The following USH2A variants were observed in gnomAD, a reference collection of about 807,000 sequenced individuals.
USH2A encodes the protein Usher syndrome 2A (autosomal recessive, mild).
A neutral mutation model predicts 538.9 loss-of-function variants in USH2A; 443 were observed. The ratio of observed to expected loss-of-function variants is 0.82; its 90% CI spans 0.76 to 0.89. The LOEUF (loss-of-function observed/expected upper bound fraction) is 0.89. Among genes scored for constraint, USH2A ranks in the 40% least tolerant of loss-of-function variants. The pLI is 0.00. For synonymous variants in USH2A, 2,413 were observed against 2,273.5 expected, an observed-to-expected ratio of 1.06 and a Z score of -1.75; for missense variants, 6,633 against 6,324.8, an observed-to-expected ratio of 1.05 and a Z score of -1.65.
At chr1:215,956,201 T>C (rs1667064612) in intron 37 of USH2A, among the ~76,000 whole-genome samples, 1 of 152,134 alleles carries the variant, frequency 6.6e-6, no homozygotes, top group Non-Finnish European at 1.5e-5. Flanking sequence ...ACTGAACTCT[T>C]GCCACAACAA....
At chr1:216,214,939 G>A (rs970935164) in intron 15 of USH2A, among the ~76,000 whole-genome samples, 8 of 151,952 alleles carry the variant, frequency 5.3e-5, no homozygotes, top group Non-Finnish European at 1.0e-4. Flanking sequence ...AAAGCATACA[G>A]AAAATAGGAC....
chr1:216,257,468 A>C (rs768810677), intron 11 of USH2A, among the ~76,000 whole-genome samples: 4 of 152,014 alleles, frequency 2.6e-5, no homozygotes, highest in Non-Finnish European at 4.4e-5. Context: ...TTTATCATTA[A>C]AAATTTATCA....
chr1:216,313,680 T>G (rs2037460875), intron 9 of USH2A, among the ~76,000 whole-genome samples: 5 of 152,190 alleles, frequency 3.3e-5, no homozygotes, highest in Admixed American at 2.6e-4. Flanking sequence ...AAAAGTATTC[T>G]CGAAAAATTC....
At chr1:215,827,873 T>C (rs1663199559) in intron 47 of USH2A, among the ~76,000 whole-genome samples, 1 of 152,332 alleles carries the variant, frequency 6.6e-6, no homozygotes, top group Non-Finnish European at 1.5e-5. Flanking sequence ...CTTAATTTTT[T>C]CTTGTAATGT....
rs575780741 is a variant in USH2A, at chr1:215,981,131, T to G, written c.6806-10355A>C. Among the ~76,000 whole-genome samples the G allele has an allele frequency of 1.3e-4, 20 of 152,258 alleles. 1 individual carries two copies. The South Asian group carries it at 3.9e-3, about 30-fold the overall frequency. ...TTGAAATTTTTGCCAGTATTAGATG[T>G]AAAAAATGGTATCTTGTTTGGGTAT... On this transcript the variant is annotated intron_variant, in intron 35 of 71. Coordinates refer to ENST00000307340, the MANE Select transcript of USH2A (RefSeq NM_206933.4).
intron 21 of USH2A, among the ~76,000 whole-genome samples, chr1:216,147,358 A>T (rs1324335692): frequency 1.3e-5 from 2 of 151,508 alleles, no homozygotes; most frequent in African/African-American, 4.9e-5. Context: ...GCCCTCCCCC[A>T]CCTGCCCAGC....
At chr1:216,177,065 G>A (rs979111124) in intron 20 of USH2A, among the ~76,000 whole-genome samples, 5 of 152,108 alleles carry the variant, frequency 3.3e-5, no homozygotes, top group Admixed American at 6.6e-5. Flanking sequence ...TTTTAACTCC[G>A]TTGAGTAAAT....
At chr1:215,749,369 A>G (rs974081771) in intron 58 of USH2A, among the ~76,000 whole-genome samples, 1 of 152,200 alleles carries the variant, frequency 6.6e-6, no homozygotes, top group Non-Finnish European at 1.5e-5. Flanking sequence ...AGCATAGAAA[A>G]TGTATTTTTC....
rs137980565 is a variant in USH2A, at chr1:215,674,249, A to T, written c.13662T>A (p.Pro4554=). ...TGATATCACCATTTGTTCTCACTGG[A>T]GGGTCCCAGTTCACTAAGATCTCCT... is the stretch of plus-strand genomic sequence containing the variant. ...GPQEILVNWD[P]PVRTNGDIIN... is the part of the protein sequence containing the mutation. Residue 4554 remains proline, a synonymous_variant, in exon 63 of 72, where the codon CCT becomes CCA. Coordinates refer to ENST00000307340, the MANE Select transcript of USH2A (RefSeq NM_206933.4). 4.3e-6 allele frequency: 7 copies of T among 1,614,146 alleles called. No individual in the cohort carries two copies. Among genetic ancestry groups the T allele is most frequent in the Non-Finnish European group, 5.1e-6 (6 of 1,180,016 alleles).
At chr1:215,813,191 G>A (rs1662746897) in intron 49 of USH2A, among the ~76,000 whole-genome samples, 1 of 152,142 alleles carries the variant, frequency 6.6e-6, no homozygotes. Flanking sequence ...AGCTAAGTTG[G>A]CTAATACTAA....
chr1:215,845,639 T>C (rs1663818203), intron 45 of USH2A, among the ~76,000 whole-genome samples, 185 bp downstream of exon 45: 1 of 152,172 alleles, frequency 6.6e-6, no homozygotes, highest in South Asian at 2.1e-4. Context: ...TGTGCTTCTG[T>C]CTCAATGGGA....
intron 21 of USH2A, among the ~76,000 whole-genome samples, chr1:216,159,922 T>G (rs944115158): frequency 1.3e-5 from 2 of 152,136 alleles, no homozygotes; most frequent in African/African-American, 4.8e-5. Context: ...ATCTCTGTAT[T>G]TTGCCTGTAT....
intron 41 of USH2A, among the ~76,000 whole-genome samples, chr1:215,883,601 C>T (rs1042406409): frequency 4.6e-5 from 7 of 151,472 alleles, no homozygotes; most frequent in Non-Finnish European, 8.8e-5. Context: ...CTGTTTTTTC[C>T]GTACACATTG....
chr1:215,716,835 C>A (rs1659501402), intron 61 of USH2A, among the ~76,000 whole-genome samples: 1 of 152,112 alleles, frequency 6.6e-6, no homozygotes, highest in Non-Finnish European at 1.5e-5. Context: ...ACATGGTGAG[C>A]CTGCTGTGCT....
chr1:216,396,044 A>G (rs1387249447), intron 3 of USH2A, among the ~76,000 whole-genome samples: 2 of 152,348 alleles, frequency 1.3e-5, no homozygotes, highest in African/African-American at 4.8e-5. Context: ...TTCATTGTCA[A>G]GGGGCAGTGA....
At chr1:216,344,487 C>G (rs1263274635) in intron 4 of USH2A, among the ~76,000 whole-genome samples, 3 of 151,992 alleles carry the variant, frequency 2.0e-5, no homozygotes, top group Non-Finnish European at 2.9e-5. Context: ...TTGACAAGTT[C>G]AAAAGGAAAA....
intron 38 of USH2A, among the ~76,000 whole-genome samples, chr1:215,930,873 T>A (rs920256516): frequency 6.6e-6 from 1 of 152,054 alleles, no homozygotes; most frequent in Admixed American, 6.6e-5. Context: ...CGTTTTTATT[T>A]TTTTAATTCT....
At chr1:215,668,213 A>G (rs112379060) in intron 64 of USH2A, among the ~76,000 whole-genome samples, 316 of 152,356 alleles carry the variant, frequency 2.1e-3, no homozygotes, top group African/African-American at 7.4e-3. Context: ...TGGTTTTGAG[A>G]GCAATGCAAA....
At chr1:216,228,187 T>C (rs1402552690) in intron 14 of USH2A, among the ~76,000 whole-genome samples, 1 of 151,936 alleles carries the variant, frequency 6.6e-6, no homozygotes, top group African/African-American at 2.4e-5. Flanking sequence ...ATTTGAGAAA[T>C]AGAGAAATTA....
Sources: gnomAD v4.1 joint callset for allele counts (sites outside exome capture counted in the v4.1 genomes callset) on GRCh38, gnomAD v4.1.1 for gene constraint, MANE v1.5 for transcripts, NCBI Gene and HGNC (gene_info 2026-07-23, HGNC 2026-07-21) for gene names.